The following CAMTA1 variants were observed in gnomAD, a reference collection of about 807,000 sequenced individuals.
The protein encoded by CAMTA1 is calmodulin binding transcription activator 1.
A neutral mutation model predicts 170.9 loss-of-function variants in CAMTA1; 27 were observed. That is an observed-to-expected ratio of 0.16 (90% CI 0.12 to 0.22). The LOEUF (loss-of-function observed/expected upper bound fraction) is 0.22. CAMTA1 is among the 10% of genes least tolerant of loss of function. The probability of loss-of-function intolerance (pLI) is 1.00; values close to 1 mark genes in which losing one functional copy is unlikely to be tolerated. For synonymous variants in CAMTA1, 833 were observed against 891.5 expected, an observed-to-expected ratio of 0.93 and a Z score of 1.17; for missense variants, 1,619 against 2,217.2, an observed-to-expected ratio of 0.73 and a Z score of 5.42.
Position 6,847,118 on chromosome 1 carries a change from C to T in CAMTA1, c.234+21908C>T, listed in dbSNP as rs115923959. On this transcript the variant is annotated intron_variant, in intron 3 of 22. Coordinates refer to ENST00000303635, the MANE Select transcript of CAMTA1 (RefSeq NM_015215.4). ...TCCTGGGTTCAAGCTGTTCTTTTGC[C>T]TCAGCCTACCGAGTAGCTGGGATTA... Among the ~76,000 whole-genome samples the T allele has an allele frequency of 7.4e-3, 1,125 of 151,858 alleles. 14 individuals are homozygous for T. Among genetic ancestry groups the T allele is most frequent in the African/African-American group, 0.026 (1,077 of 41,390 alleles).
chr1:7,739,136 A>G (rs1460127920), intron 16 of CAMTA1, among the ~76,000 whole-genome samples: 1 of 152,162 alleles, frequency 6.6e-6, no homozygotes, highest in Non-Finnish European at 1.5e-5. Flanking sequence ...GGGGAGGACC[A>G]TAAGGGCAGC....
At chr1:7,695,291 A>T (rs2096363799) in intron 11 of CAMTA1, among the ~76,000 whole-genome samples, 2 of 152,214 alleles carry the variant, frequency 1.3e-5, no homozygotes, top group Non-Finnish European at 1.5e-5. Flanking sequence ...GCAGCAGGCA[A>T]GAGCGAGCTC....
chr1:7,703,952 G>A (rs571125510), intron 11 of CAMTA1, among the ~76,000 whole-genome samples: 142 of 152,190 alleles, frequency 9.3e-4, no homozygotes, highest in African/African-American at 3.3e-3. Flanking sequence ...CCCAAAGGGT[G>A]GGCGGAGCCT....
chr1:7,367,825 A>C (rs1471642641), intron 5 of CAMTA1, among the ~76,000 whole-genome samples: 1 of 152,208 alleles, frequency 6.6e-6, no homozygotes, highest in Non-Finnish European at 1.5e-5. Flanking sequence ...CTGGGCACTC[A>C]TGGTTTCACT....
At chr1:7,503,245 C>T (rs2094039261) in intron 6 of CAMTA1, among the ~76,000 whole-genome samples, 1 of 152,150 alleles carries the variant, frequency 6.6e-6, no homozygotes, top group Non-Finnish European at 1.5e-5. Context: ...GGGCTGGGGG[C>T]CGAGAGCAAG....
rs748817784 is a variant in CAMTA1 at position 7,664,972 on chromosome 1, G to A, written c.2425G>A (p.Gly809Arg). 1.4e-5 allele frequency: 23 copies of A among 1,611,576 alleles called. No homozygotes were observed. The Admixed American group carries it at 2.0e-4, about 14-fold the overall frequency. ...DSTALSQSED[G>R]ARAPFTQAEM... ...CACGGCGCTCTCACAGTCAGAGGAC[G>A]GGGCGCGGGCCCCCTTCACCCAGGC... The change falls in exon 9 of 23, where the codon GGG becomes AGG. Residue 809 changes from glycine (G) to arginine (R), a missense_variant. Gly to Arg is a moderately radical substitution (Grantham distance 125). Transcript: ENST00000303635.
chr1:7,547,275 A>T lies in CAMTA1; in HGVS notation c.510+79374A>T, dbSNP rs1337210816. 6.6e-6 allele frequency among the ~76,000 whole-genome samples: 1 copy of T among 152,040 alleles called. No individual in the cohort carries two copies. Among genetic ancestry groups the T allele is most frequent in the Non-Finnish European group, 1.5e-5 (1 of 68,010 alleles). On this transcript the variant is annotated intron_variant, in intron 6 of 22. Coordinates refer to ENST00000303635, the MANE Select transcript of CAMTA1 (RefSeq NM_015215.4). This position sits in a 1 kb window ranked among gnomAD's most constrained non-coding sequence, Gnocchi z 5.7. ...TGGAAAGTGGTGTTTAGAAGCCAAG[A>T]TCTGGGCCTGAGTATGCTCACTGCT...
intron 5 of CAMTA1, among the ~76,000 whole-genome samples, chr1:7,429,179 A>C (rs550474167): frequency 1.5e-4 from 23 of 152,314 alleles, no homozygotes; most frequent in African/African-American, 4.1e-4. Context: ...GTGAGTTCCT[A>C]ACCTCTCTGA....
At chr1:7,578,822 C>A (rs1433557564) in intron 6 of CAMTA1, among the ~76,000 whole-genome samples, 1 of 152,178 alleles carries the variant, frequency 6.6e-6, no homozygotes, top group Non-Finnish European at 1.5e-5. Context: ...GGCACGAATG[C>A]GTGTATGGGG....
intron 4 of CAMTA1, among the ~76,000 whole-genome samples, chr1:7,219,947 C>T (rs1377224781): frequency 6.6e-6 from 1 of 152,182 alleles, no homozygotes; most frequent in African/African-American, 2.4e-5. Flanking sequence ...AGAAGGTGGC[C>T]GTCTGTAGGC....
chr1:7,663,353 G>A lies in CAMTA1; in HGVS notation c.806G>A (p.Gly269Glu), dbSNP rs1558079319. 6.6e-7 allele frequency: 1 copy of A among 1,525,726 alleles called. No homozygotes were observed. Among genetic ancestry groups the A allele is most frequent in the Non-Finnish European group, 8.8e-7 (1 of 1,134,330 alleles). The allele number at this position is 1,525,726 out of a possible 1,614,324, so 94.5% of individuals were successfully genotyped here. A position where few individuals can be genotyped will look rare whatever the true frequency, so the allele number is the denominator to read the frequency against. The change falls in exon 9 of 23, where the codon GGA (glycine) becomes GAA (glutamate). Residue 269 changes from glycine (G) to glutamate (E), a missense_variant and splice_region_variant. Around this residue, in one of 8 missense-constraint regions of CAMTA1, gnomAD observed 731 missense variants for 907.6 expected, o/e 0.81. Coordinates refer to ENST00000303635, the MANE Select transcript of CAMTA1 (RefSeq NM_015215.4). ...GCGTGTTGTGTTCCGATCTCCGCAG[G>A]AGCTGGCGGCAGCGTGCATCACAAG... ...THNCLCTGSL[G>E]AGGSVHHKCN...
chr1:6,872,774 T>C lies in CAMTA1; in HGVS notation c.234+47564T>C, dbSNP rs144641049. Among the ~76,000 whole-genome samples, 687 of 152,338 alleles carry C rather than the reference T, an allele frequency of 4.5e-3. 8 individuals carry two copies. Among genetic ancestry groups the C allele is most frequent in the African/African-American group, 0.016 (671 of 41,568 alleles). On this transcript the variant is annotated intron_variant, in intron 3 of 22. Coordinates refer to ENST00000303635, the MANE Select transcript of CAMTA1 (RefSeq NM_015215.4). The stretch of plus-strand genomic sequence containing the variant: ...AAGATACTCCTTAGAAATCATGTCC[T>C]TAAAAAAAACATGTGAATTCTCTCA...
At chr1:7,702,717 G>A (rs1577016314) in intron 11 of CAMTA1, among the ~76,000 whole-genome samples, 1 of 152,124 alleles carries the variant, frequency 6.6e-6, no homozygotes, top group Non-Finnish European at 1.5e-5. Flanking sequence ...ATGGACATAT[G>A]GAAAAGTGCA....
Position 6,887,906 on chromosome 1 carries a change from G to A in CAMTA1, c.234+62696G>A. ...GTGACCTACTCTTGCCTCATCCGGA[G>A]TTATTACGAAGGAGCTCCGCAGCCT... On this transcript the variant is annotated intron_variant, in intron 3 of 22. Coordinates refer to ENST00000303635, the MANE Select transcript of CAMTA1 (RefSeq NM_015215.4). This position sits in a 1 kb window ranked among gnomAD's most constrained non-coding sequence, Gnocchi z 4.1. 1 of 1,371,290 alleles carries A rather than the reference G, an allele frequency of 7.3e-7. No homozygotes were observed. The highest frequency in any genetic ancestry group is 9.4e-7 in the Non-Finnish European group (1 of 1,059,070). 84.9% of individuals were successfully genotyped at this position (1,371,290 alleles called of 1,614,324 possible).
chr1:7,678,009 T>C (rs1334084453), intron 11 of CAMTA1, among the ~76,000 whole-genome samples: 1 of 152,222 alleles, frequency 6.6e-6, no homozygotes, highest in African/African-American at 2.4e-5. Flanking sequence ...CTGGCACGCC[T>C]GCTGGGCTGT....
rs1354949655 is a variant in CAMTA1, at chr1:7,012,573, G to A, written c.235-78731G>A. On this transcript the variant is annotated intron_variant, in intron 3 of 22. Transcript: ENST00000303635. ...TTTGCAGGCAGACTCTTGGAGAGCC[G>A]TCCACAGGGCTGAGTGCTGTGGGCG... is the stretch of plus-strand genomic sequence containing the variant. Among the ~76,000 whole-genome samples the A allele has an allele frequency of 3.3e-5, 5 of 152,234 alleles. No homozygotes were observed. In the South Asian group the frequency reaches 6.2e-4, roughly 19 times the overall value.
At chr1:7,564,037 T>C (rs1410990282) in intron 6 of CAMTA1, among the ~76,000 whole-genome samples, 2 of 152,154 alleles carry the variant, frequency 1.3e-5, no homozygotes, top group Non-Finnish European at 2.9e-5. Context: ...GGTTTTAGGT[T>C]TTTAGAATTC....
chr1:7,612,955 G>A (rs1252587829), intron 6 of CAMTA1, among the ~76,000 whole-genome samples: 1 of 152,216 alleles, frequency 6.6e-6, no homozygotes, highest in Non-Finnish European at 1.5e-5. Flanking sequence ...CACCCTGTGG[G>A]TTGGTCCTCG....
intron 5 of CAMTA1, among the ~76,000 whole-genome samples, chr1:7,344,107 C>T (rs1489891086): frequency 8.5e-5 from 13 of 152,220 alleles, no homozygotes; most frequent in Admixed American, 2.0e-4. Context: ...GTGTTGCTGT[C>T]GGGCTCAGAG....
Sources: gnomAD v4.1 joint callset for allele counts (sites outside exome capture counted in the v4.1 genomes callset) on GRCh38, gnomAD v4.1.1 for gene constraint, gnomAD v4.1.1 regional missense constraint, Gnocchi (gnomAD v3.1) non-coding constraint, MANE v1.5 for transcripts, NCBI Gene and HGNC (gene_info 2026-07-23, HGNC 2026-07-21) for gene names.